SLC2A13: variants seen among roughly 807,000 people sequenced by gnomAD.
SLC2A13 encodes the protein proton myo-inositol cotransporter.
In SLC2A13, 32 loss-of-function variants were observed where a neutral mutation model predicts 64.4. The ratio of observed to expected loss-of-function variants is 0.50; its 90% CI spans 0.37 to 0.67. The LOEUF (loss-of-function observed/expected upper bound fraction) is 0.67, where lower values mean the gene tolerates loss of function less well. Among genes scored for constraint, SLC2A13 ranks in the 30% least tolerant of loss-of-function variants. SLC2A13 has a pLI of 0.00. For synonymous variants in SLC2A13, 338 were observed against 327.1 expected, an observed-to-expected ratio of 1.03 and a Z score of -0.36; for missense variants, 743 against 829.2, an observed-to-expected ratio of 0.90 and a Z score of 1.28.
At chr12:40,025,772 G>C (rs968023415) in intron 3 of SLC2A13, among the ~76,000 whole-genome samples, 1 of 152,154 alleles carries the variant, frequency 6.6e-6, no homozygotes, top group Non-Finnish European at 1.5e-5. Context: ...AGATTAACAG[G>C]CCATTCCCTA....
At chr12:39,790,561 A>C (rs1941362959) in intron 7 of SLC2A13, among the ~76,000 whole-genome samples, 1 of 147,550 alleles carries the variant, frequency 6.8e-6, no homozygotes, top group Non-Finnish European at 1.5e-5. Flanking sequence ...ATCCTTTTTT[A>C]TGGCTGCATA....
chr12:39,795,694 C>T (rs539090060), intron 7 of SLC2A13, among the ~76,000 whole-genome samples: 2 of 152,232 alleles, frequency 1.3e-5, no homozygotes, highest in East Asian at 3.9e-4. Flanking sequence ...GAGCTACTTT[C>T]GAGTAAATCT....
In SLC2A13 at chr12:40,102,398, T is replaced by C. The variant is rs527589562; in HGVS notation, c.556+2855A>G. 2.6e-4 allele frequency among the ~76,000 whole-genome samples: 40 copies of C among 152,326 alleles called. No individual in the cohort carries two copies. In the South Asian group the frequency reaches 8.1e-3, roughly 31 times the overall value. On this transcript the variant is annotated intron_variant, in intron 1 of 9. Transcript: ENST00000280871. ...GTGGTTTGAAAAGAACAATCCTACC[T>C]TAAAGTGCTACCCGACCAGCAATGG... is the stretch of plus-strand genomic sequence containing the variant.
chr12:40,000,832 G>A (rs892298478), intron 3 of SLC2A13, among the ~76,000 whole-genome samples: 1 of 152,144 alleles, frequency 6.6e-6, no homozygotes, highest in African/African-American at 2.4e-5. Flanking sequence ...GGAACTGGGG[G>A]TTAGGACTTC....
intron 1 of SLC2A13, among the ~76,000 whole-genome samples, chr12:40,095,859 T>C (rs149847808): frequency 4.5e-4 from 69 of 152,348 alleles, no homozygotes; most frequent in East Asian, 1.9e-3. Context: ...TTGCAATTTA[T>C]TTTACAAGCA....
At chr12:39,866,721 C>T (rs1258653752) in intron 5 of SLC2A13, among the ~76,000 whole-genome samples, 2 of 152,250 alleles carry the variant, frequency 1.3e-5, no homozygotes, top group Non-Finnish European at 2.9e-5. Flanking sequence ...CCTCGTGATC[C>T]GCCAGCCTCG....
rs1428329606 is a variant in SLC2A13, at chr12:39,961,781, G to A, written c.926-10416C>T. ...CTCCCAAAGCGCTGTGATTACAGGT[G>A]TGAGCCGCCACACTCGGCCTTTCTT... On this transcript the variant is annotated intron_variant, in intron 3 of 9. Coordinates refer to ENST00000280871, the MANE Select transcript of SLC2A13 (RefSeq NM_052885.4). Among the ~76,000 whole-genome samples the A allele has an allele frequency of 2.0e-5, 3 of 150,718 alleles. No homozygotes were observed. In the East Asian group the frequency reaches 5.9e-4, roughly 30 times the overall value.
At chr12:39,866,754 C>T (rs10784228) in intron 5 of SLC2A13, among the ~76,000 whole-genome samples, 78,677 of 152,056 alleles carry the variant, frequency 0.52, 20,548 homozygotes, top group East Asian at 0.74. Context: ...GCTGGGATTA[C>T]AGGCGTGAGC....
intron 7 of SLC2A13, among the ~76,000 whole-genome samples, chr12:39,821,367 G>A (rs1213586062): frequency 6.6e-6 from 1 of 151,812 alleles, no homozygotes; most frequent in Non-Finnish European, 1.5e-5. Context: ...CCGAGATTGT[G>A]CCACTACACT....
At chr12:40,008,031 T>A (rs1947455473) in intron 3 of SLC2A13, among the ~76,000 whole-genome samples, 7 of 152,168 alleles carry the variant, frequency 4.6e-5, no homozygotes, top group Admixed American at 3.9e-4. Flanking sequence ...CATCAAAAGA[T>A]TCAACTAGTT....
At chr12:39,791,123 CT>C in intron 7 of SLC2A13, among the ~76,000 whole-genome samples, 1 of 151,426 alleles carries the variant, frequency 6.6e-6, no homozygotes, top group South Asian at 2.1e-4. Context: ...GATATTAGCC[CT>C]TTGTCAGATG....
intron 6 of SLC2A13, among the ~76,000 whole-genome samples, chr12:39,832,097 CCA>C: frequency 6.6e-6 from 1 of 152,054 alleles, no homozygotes; most frequent in African/African-American, 2.4e-5. Context: ...AAAAGAGAGG[CCA>C]TTCAAATGTA....
chr12:39,977,695 C>T (rs532470875), intron 3 of SLC2A13, among the ~76,000 whole-genome samples: 1 of 152,216 alleles, frequency 6.6e-6, no homozygotes. Flanking sequence ...CCTCAGTGGT[C>T]ACAAATCTTC....
chr12:39,825,245 A>G (rs1484176377), intron 7 of SLC2A13, among the ~76,000 whole-genome samples: 1 of 152,172 alleles, frequency 6.6e-6, no homozygotes, highest in African/African-American at 2.4e-5. Flanking sequence ...TTCAGAATAG[A>G]TTATTTAAGG....
rs922423623 is a variant in SLC2A13, at chr12:39,758,159, G to GA, written c.*1866dup. 4.6e-5 allele frequency: 7 copies of GA among 151,316 alleles called. No individual in the cohort carries two copies. The highest frequency in any genetic ancestry group is 1.9e-4 in the East Asian group (1 of 5,168). The allele number at this position is 151,316 out of a possible 1,614,324, so 9.4% of individuals were successfully genotyped here. ...CAATTGTTAAAGCACCTAATTCAAG[G>GA]AAAAAACCTCTATAAAATATTAATT... On this transcript the variant is annotated 3_prime_UTR_variant, in exon 10 of 10. Transcript: ENST00000280871.
chr12:39,989,380 T>C (rs1251081954), intron 3 of SLC2A13, among the ~76,000 whole-genome samples: 1 of 152,216 alleles, frequency 6.6e-6, no homozygotes, highest in Admixed American at 6.5e-5. Context: ...TTTATCACCA[T>C]TATCTGTTAA....
intron 1 of SLC2A13, among the ~76,000 whole-genome samples, chr12:40,067,495 T>G (rs138335039): frequency 6.7e-6 from 1 of 150,000 alleles, no homozygotes; most frequent in Non-Finnish European, 1.5e-5. Flanking sequence ...ATGAGTATAT[T>G]ATTTAAACAT....
At chr12:39,838,276 G>T (rs1208593747) in intron 6 of SLC2A13, among the ~76,000 whole-genome samples, 1 of 148,198 alleles carries the variant, frequency 6.7e-6, no homozygotes, top group Non-Finnish European at 1.5e-5. Context: ...TCACTCGTAG[G>T]TGGGAACTGA....
At chr12:40,018,341 C>A (rs541070028) in intron 3 of SLC2A13, among the ~76,000 whole-genome samples, 2 of 152,124 alleles carry the variant, frequency 1.3e-5, no homozygotes, top group Non-Finnish European at 2.9e-5. Context: ...AGTTTGACAA[C>A]CCCTAGGATA....
Sources: gnomAD v4.1 joint callset for allele counts (sites outside exome capture counted in the v4.1 genomes callset) on GRCh38, gnomAD v4.1.1 for gene constraint, MANE v1.5 for transcripts, NCBI Gene and HGNC (gene_info 2026-07-23, HGNC 2026-07-21) for gene names.